Variants in KCNC2 observed in about 807,000 individuals in gnomAD.
KCNC2 encodes the protein voltage-gated potassium channel KCNC2.
A neutral mutation model predicts 44.5 loss-of-function variants in KCNC2; 21 were observed. That is an observed-to-expected ratio of 0.47 (90% confidence interval 0.33 to 0.68). The LOEUF (loss-of-function observed/expected upper bound fraction) is 0.68. KCNC2 is among the 30% of genes least tolerant of loss of function. The pLI is 0.01. For synonymous variants in KCNC2, 391 were observed against 339.1 expected (o/e 1.15, Z -1.68); for missense variants, 589 against 826.2 (o/e 0.71, Z 3.52).
At chr12:75,174,173 G>A (rs767776366) in intron 2 of KCNC2, among the ~76,000 whole-genome samples, 2 of 148,438 alleles carry the variant, frequency 1.3e-5, no homozygotes, top group South Asian at 4.3e-4. Context: ...TTACAATCAC[G>A]GTGTATTTTT....
intron 2 of KCNC2, among the ~76,000 whole-genome samples, chr12:75,192,364 G>A (rs1266055638): frequency 2.0e-5 from 3 of 152,086 alleles, no homozygotes; most frequent in Admixed American, 6.5e-5. Context: ...ACATAATGGG[G>A]ACTTAGCATT....
intron 2 of KCNC2, among the ~76,000 whole-genome samples, chr12:75,147,378 T>C (rs886732619): frequency 3.3e-5 from 5 of 152,146 alleles, no homozygotes; most frequent in African/African-American, 1.2e-4. Context: ...CAACGTTTTC[T>C]TAAAAGTTCA....
intron 2 of KCNC2, among the ~76,000 whole-genome samples, chr12:75,100,871 A>G (rs191553638): frequency 3.6e-4 from 55 of 152,254 alleles, no homozygotes; most frequent in African/African-American, 1.3e-3. Flanking sequence ...ATTAGCCTCC[A>G]AAGTGAAGCT....
At chr12:75,082,976 C>T (rs1001704895) in intron 2 of KCNC2, among the ~76,000 whole-genome samples, 3 of 150,956 alleles carry the variant, frequency 2.0e-5, no homozygotes, top group African/African-American at 7.3e-5. Context: ...GAGATAGAGG[C>T]ATCTATACAG....
At chr12:75,142,478 C>G (rs1449007691) in intron 2 of KCNC2, among the ~76,000 whole-genome samples, 1 of 152,188 alleles carries the variant, frequency 6.6e-6, no homozygotes, top group Non-Finnish European at 1.5e-5. Context: ...TAAACAGGCA[C>G]TCTACGTCCA....
At chr12:75,136,400 T>C (rs567026024) in intron 2 of KCNC2, among the ~76,000 whole-genome samples, 1 of 152,084 alleles carries the variant, frequency 6.6e-6, no homozygotes, top group Non-Finnish European at 1.5e-5. Flanking sequence ...ATTTGGTTCT[T>C]TGAAAAGATA....
In KCNC2 at chr12:75,050,268, G is replaced by T. The variant is rs148259589; in HGVS notation, c.1615+122C>A. ...CAAGCCTGACACAAACACACATTTC[G>T]TGAAAGGGTTAGGGCTGAAAACTCA... On this transcript the variant is annotated intron_variant, in intron 3 of 4. Coordinates refer to ENST00000549446, the MANE Select transcript of KCNC2 (RefSeq NM_139137.4). The T allele has an allele frequency of 1.6e-3, 1,192 of 731,616 alleles. 5 individuals carry two copies. Among genetic ancestry groups the T allele is most frequent in the Admixed American group, 1.9e-3 (75 of 40,256 alleles). The allele number at this position is 731,616 out of a possible 1,614,324, so 45.3% of individuals were successfully genotyped here.
intron 2 of KCNC2, 116 bp from the exon 3 acceptor site, chr12:75,051,433 G>A: frequency 1.6e-6 from 1 of 633,934 alleles, no homozygotes; most frequent in South Asian, 2.2e-5. Flanking sequence ...ATATTTAGAG[G>A]TTTCACTTGG....
intron 2 of KCNC2, among the ~76,000 whole-genome samples, chr12:75,091,119 T>C (rs371073255): frequency 6.6e-6 from 1 of 151,698 alleles, no homozygotes; most frequent in East Asian, 1.9e-4. Context: ...AAGATCACAT[T>C]TGTAGTCTGC....
chr12:75,167,191 G>A (rs377059865), intron 2 of KCNC2, among the ~76,000 whole-genome samples: 2 of 151,254 alleles, frequency 1.3e-5, no homozygotes, highest in African/African-American at 2.4e-5. Context: ...CACTGAAATA[G>A]ACAAACTACC....
chr12:75,131,807 G>A (rs991399375), intron 2 of KCNC2, among the ~76,000 whole-genome samples: 4 of 152,090 alleles, frequency 2.6e-5, no homozygotes, highest in African/African-American at 4.8e-5. Context: ...TGAGCTTCAC[G>A]GTAGAATCTC....
intron 2 of KCNC2, among the ~76,000 whole-genome samples, chr12:75,055,765 A>C (rs1881677023): frequency 6.6e-6 from 1 of 152,182 alleles, no homozygotes; most frequent in Admixed American, 6.6e-5. Flanking sequence ...ATGAGTTGGA[A>C]GTCTTCATAG....
chr12:75,186,656 T>C (rs1376957573), intron 2 of KCNC2, among the ~76,000 whole-genome samples: 1 of 152,206 alleles, frequency 6.6e-6, no homozygotes, highest in Non-Finnish European at 1.5e-5. Context: ...TGAGAAACAA[T>C]TTTGCCAATT....
chr12:75,178,446 T>C lies in KCNC2; in HGVS notation c.687+28851A>G, dbSNP rs556005792. Among the ~76,000 whole-genome samples the C allele has an allele frequency of 7.9e-4, 120 of 152,188 alleles. 1 individual carries two copies. The South Asian group carries it at 0.018, about 23-fold the overall frequency. Reference sequence around the variant, plus strand: ...TTCAAATCCATTTATCAGTCACTATTGATGCTGAAGGCAGTGTGTAAAGTT... The same window carrying C: ...TTCAAATCCATTTATCAGTCACTATCGATGCTGAAGGCAGTGTGTAAAGTT... On this transcript the variant is annotated intron_variant, in intron 2 of 4. Coordinates refer to ENST00000549446, the MANE Select transcript of KCNC2 (RefSeq NM_139137.4).
chr12:75,144,631 T>C (rs932753737), intron 2 of KCNC2, among the ~76,000 whole-genome samples: 12 of 147,106 alleles, frequency 8.2e-5, no homozygotes, highest in Non-Finnish European at 1.5e-5. Flanking sequence ...TGTGTGTGTG[T>C]GTGTGTGTGT....
intron 2 of KCNC2, among the ~76,000 whole-genome samples, chr12:75,075,369 A>T (rs767765328): frequency 7.9e-5 from 12 of 151,628 alleles, no homozygotes; most frequent in Non-Finnish European, 1.8e-4. Flanking sequence ...ATACCCCTTA[A>T]GGAGCTGAAT....
At chr12:75,100,165 G>A (rs1886260805) in intron 2 of KCNC2, among the ~76,000 whole-genome samples, 1 of 152,032 alleles carries the variant, frequency 6.6e-6, no homozygotes, top group Non-Finnish European at 1.5e-5. Flanking sequence ...ACATTAAATA[G>A]TAGGCGAGTT....
intron 2 of KCNC2, among the ~76,000 whole-genome samples, chr12:75,190,738 G>A (rs1380007878): frequency 6.6e-6 from 1 of 152,078 alleles, no homozygotes; most frequent in Non-Finnish European, 1.5e-5. Flanking sequence ...ATTACAAAGA[G>A]ATGTTTCCAA....
intron 2 of KCNC2, among the ~76,000 whole-genome samples, chr12:75,135,212 A>G (rs998309256): frequency 1.3e-5 from 2 of 151,720 alleles, no homozygotes; most frequent in Non-Finnish European, 2.9e-5. Flanking sequence ...AGCAGGGTTC[A>G]TTAGGCAACA....
Sources: gnomAD v4.1 joint callset for allele counts (sites outside exome capture counted in the v4.1 genomes callset) on GRCh38, gnomAD v4.1.1 for gene constraint, MANE v1.5 for transcripts, NCBI Gene and HGNC (gene_info 2026-07-23, HGNC 2026-07-21) for gene names.